CIBAR1: variants seen among roughly 807,000 people sequenced by gnomAD.
CIBAR1 encodes CBY1-interacting BAR domain-containing protein 1.
CIBAR1 carries 25 observed loss-of-function variants against 44.0 expected under a neutral mutation model. That is an observed-to-expected ratio of 0.57 (90% confidence interval 0.41 to 0.79). The LOEUF is 0.79. CIBAR1 is among the 30% of genes least tolerant of loss of function. The pLI is 0.00. For missense variants in CIBAR1, 278 were observed against 344.8 expected, an observed-to-expected ratio of 0.81 and a Z score of 1.53; for synonymous variants, 115 against 119.0, an observed-to-expected ratio of 0.97 and a Z score of 0.22.
chr8:93,704,842 T>G lies in CIBAR1; in HGVS notation c.331-67T>G, dbSNP rs575967396. On this transcript the variant is annotated intron_variant, in intron 3 of 8. Coordinates refer to ENST00000518322, the MANE Select transcript of CIBAR1 (RefSeq NM_145269.5). ...CTTAAAACAATTCTTAAAAGAATTCTTCCATTCTTAAAACTGAATTTTCTT... is the reference window on the plus strand; with the variant it reads ...CTTAAAACAATTCTTAAAAGAATTCGTCCATTCTTAAAACTGAATTTTCTT... 799 of 884,606 alleles carry G rather than the reference T, an allele frequency of 9.0e-4. 14 individuals carry two copies. Among genetic ancestry groups the G allele is most frequent in the South Asian group, 7.1e-3 (397 of 55,624 alleles). 54.8% of individuals were successfully genotyped at this position (884,606 alleles called of 1,614,324 possible).
In CIBAR1 at chr8:93,709,894, G is replaced by C. The variant is rs779906556; in HGVS notation, c.543+19G>C. 3.9e-6 allele frequency: 6 copies of C among 1,552,862 alleles called. No individual in the cohort carries two copies. The highest frequency in any genetic ancestry group is 2.3e-5 in the South Asian group (2 of 85,766). On this transcript the variant is annotated intron_variant, in intron 6 of 8. Transcript: ENST00000518322. ...TATAAAGGTAATAAAGTAACTGTTA[G>C]GGTTCAAAACATGTTTTTAACCTTT...
At position 93,700,568 on chromosome 8, in the gene CIBAR1, TGCGCCCCAGCGC is replaced by T. The variant is rs1810292661; in HGVS notation, c.-73_-62del. The T allele has an allele frequency of 7.2e-7, 1 of 1,390,786 alleles. No homozygotes were observed. Among genetic ancestry groups the T allele is most frequent in the Non-Finnish European group, 9.3e-7 (1 of 1,071,638 alleles). The allele number at this position is 1,390,786 out of a possible 1,614,324, so 86.2% of individuals were successfully genotyped here. On this transcript the variant is annotated 5_prime_UTR_variant, in exon 1 of 9. Transcript: ENST00000518322. The stretch of plus-strand genomic sequence containing the variant: ...GGCTTTCAGGCTCCCGGCGGCTGCT[TGCGCCCCAGCGC>T]GCGCCCAGGCGCCTTGGAATCCCCG...
intron 7 of CIBAR1, 27 bp from the exon 8 acceptor site, chr8:93,726,367 T>G: frequency 6.3e-7 from 1 of 1,594,768 alleles, no homozygotes; most frequent in Non-Finnish European, 8.6e-7. Context: ...GCATCTACTT[T>G]ATAATGCTAT....
In CIBAR1 at chr8:93,731,132, C is replaced by T. The variant is rs572489930; in HGVS notation, c.*2835C>T. On this transcript the variant is annotated 3_prime_UTR_variant, in exon 9 of 9. Coordinates refer to ENST00000518322, the MANE Select transcript of CIBAR1 (RefSeq NM_145269.5). ...CCATTATCAGACCACTGCACTCCAG[C>T]CTGGCCAGCAGAACAAGACTCTGAC... 6 of 152,324 alleles carry T rather than the reference C, an allele frequency of 3.9e-5. No individual in the cohort carries two copies. In the East Asian group the frequency reaches 1.2e-3, roughly 29 times the overall value. 9.4% of individuals were successfully genotyped at this position (152,324 alleles called of 1,614,324 possible).
intron 2 of CIBAR1, 134 bp downstream of exon 2, chr8:93,701,592 T>A: frequency 1.4e-6 from 1 of 727,908 alleles, no homozygotes; most frequent in Non-Finnish European, 2.3e-6. Flanking sequence ...TACATTTTCA[T>A]AAGACTGTGT....
rs759778738 is a variant in CIBAR1, at chr8:93,709,703, A to G, written c.439-68A>G. The G allele has an allele frequency of 6.2e-5, 81 of 1,299,298 alleles. 1 individual carries two copies. Among genetic ancestry groups the G allele is most frequent in the Non-Finnish European group, 4.9e-5 (45 of 910,440 alleles). 80.5% of individuals were successfully genotyped at this position (1,299,298 alleles called of 1,614,324 possible). Reference sequence around the variant, plus strand: ...CAGTACTGCAATGGTAGAATTTACCAGTAGGCTCAATTGAATGAATTCTCA... The same window carrying G: ...CAGTACTGCAATGGTAGAATTTACCGGTAGGCTCAATTGAATGAATTCTCA... On this transcript the variant is annotated intron_variant, in intron 5 of 8. Transcript: ENST00000518322.
chr8:93,700,960 C>G (rs1468042918), intron 1 of CIBAR1: 6 of 1,373,814 alleles, frequency 4.4e-6, no homozygotes, highest in Non-Finnish European at 5.6e-6. Flanking sequence ...GCGCCCAGGC[C>G]GCGCTGCGCG....
In CIBAR1 at chr8:93,730,082, G is replaced by T. The variant is rs557430876; in HGVS notation, c.*1785G>T. 1 of 152,002 alleles carries T rather than the reference G, an allele frequency of 6.6e-6. No homozygotes were observed. The highest frequency in any genetic ancestry group is 1.5e-5 in the Non-Finnish European group (1 of 68,010). The allele number at this position is 152,002 out of a possible 1,614,324, so 9.4% of individuals were successfully genotyped here. On this transcript the variant is annotated 3_prime_UTR_variant, in exon 9 of 9. Transcript: ENST00000518322. ...GGCACTCAAAAAGTTTGTGATTTTC[G>T]GAGCATGTGAAATTTCAGATTACCA... is the stretch of plus-strand genomic sequence containing the variant.
At chr8:93,708,432 C>A (rs1408734258) in intron 5 of CIBAR1, among the ~76,000 whole-genome samples, 1 of 152,056 alleles carries the variant, frequency 6.6e-6, no homozygotes, top group African/African-American at 2.4e-5. Flanking sequence ...TCTTGAAATA[C>A]AACTAGAGTA....
Position 93,729,016 on chromosome 8 carries a change from A to G in CIBAR1, c.*719A>G, listed in dbSNP as rs551865383. On this transcript the variant is annotated 3_prime_UTR_variant, in exon 9 of 9. Coordinates refer to ENST00000518322, the MANE Select transcript of CIBAR1 (RefSeq NM_145269.5). ...CCATAGATCATTAAAAATTCTATAA[A>G]AATTTTACCAAGCTACCATATAGTT... The G allele has an allele frequency of 6.6e-6, 1 of 152,206 alleles. No individual in the cohort carries two copies. The highest frequency in any genetic ancestry group is 1.9e-4 in the East Asian group (1 of 5,176). 9.4% of individuals were successfully genotyped at this position (152,206 alleles called of 1,614,324 possible). A position where few individuals can be genotyped will look rare whatever the true frequency, so the allele number is the denominator to read the frequency against.
intron 6 of CIBAR1, among the ~76,000 whole-genome samples, chr8:93,712,603 T>C (rs1192418365): frequency 2.0e-5 from 3 of 152,192 alleles, no homozygotes; most frequent in Admixed American, 6.5e-5. Flanking sequence ...GCTTAAGCAT[T>C]TGAGGAAGTG....
intron 7 of CIBAR1, among the ~76,000 whole-genome samples, chr8:93,720,506 C>G (rs1811222668): frequency 6.6e-6 from 1 of 152,090 alleles, no homozygotes; most frequent in African/African-American, 2.4e-5. Context: ...CATGACTTCC[C>G]AAGTGTTAAT....
At chr8:93,723,154 G>A (rs1174907019) in intron 7 of CIBAR1, among the ~76,000 whole-genome samples, 4 of 152,052 alleles carry the variant, frequency 2.6e-5, no homozygotes, top group East Asian at 1.9e-4. Context: ...CCGCCACCTC[G>A]CCTGGCTAAT....
chr8:93,728,411 G>A lies in CIBAR1; in HGVS notation c.*114G>A. 1.6e-6 allele frequency: 1 copy of A among 634,736 alleles called. No individual in the cohort carries two copies. The highest frequency in any genetic ancestry group is 4.4e-4 in the Middle Eastern group (1 of 2,264). 39.3% of individuals were successfully genotyped at this position (634,736 alleles called of 1,614,324 possible). On this transcript the variant is annotated 3_prime_UTR_variant, in exon 9 of 9. Transcript: ENST00000518322. ...TCAAAGTGAAGTCCAACTGGAAACA[G>A]AAAAATAATTAAAGGAAACTTATGC...
At chr8:93,726,882 C>T (rs1811534875) in intron 8 of CIBAR1, among the ~76,000 whole-genome samples, 1 of 152,034 alleles carries the variant, frequency 6.6e-6, no homozygotes, top group South Asian at 2.1e-4. Context: ...AGTTAAATAC[C>T]AAATTATACT....
chr8:93,703,875 CA>C (rs1482321592), intron 3 of CIBAR1, among the ~76,000 whole-genome samples, 187 bp downstream of exon 3: 8 of 151,640 alleles, frequency 5.3e-5, no homozygotes, highest in Non-Finnish European at 8.8e-5. Flanking sequence ...CCAGCCTGGC[CA>C]ACATAGTGAA....
intron 6 of CIBAR1, chr8:93,715,779 TA>T: frequency 6.6e-6 from 1 of 152,210 alleles, no homozygotes; most frequent in South Asian, 2.1e-4. Context: ...AGTATGGTTA[TA>T]CTAGTTCATT....
At chr8:93,725,058 C>CT (rs1205327408) in intron 7 of CIBAR1, among the ~76,000 whole-genome samples, 1 of 152,144 alleles carries the variant, frequency 6.6e-6, no homozygotes, top group Non-Finnish European at 1.5e-5. Context: ...TCTTGGCTCA[C>CT]TGCAACCTCT....
rs111240825 is a variant in CIBAR1 at position 93,716,961 on chromosome 8, A to G, written c.544-1714A>G. ...TTTTCGTTAAAGATCTCTTTTGTTAATCAAACAAGATGGATGCTTTACTGT... is the reference window on the plus strand; with the variant it reads ...TTTTCGTTAAAGATCTCTTTTGTTAGTCAAACAAGATGGATGCTTTACTGT... On this transcript the variant is annotated intron_variant, in intron 6 of 8. Coordinates refer to ENST00000518322, the MANE Select transcript of CIBAR1 (RefSeq NM_145269.5). Among the ~76,000 whole-genome samples, 1,179 of 152,252 alleles carry G rather than the reference A, an allele frequency of 7.7e-3. 8 individuals are homozygous for G. Among genetic ancestry groups the G allele is most frequent in the Non-Finnish European group, 0.013 (871 of 68,022 alleles).
Sources: allele counts gnomAD v4.1 joint callset (sites outside exome capture counted in the v4.1 genomes callset), GRCh38; gene constraint gnomAD v4.1.1; transcripts MANE v1.5; gene names NCBI Gene and HGNC (gene_info 2026-07-23, HGNC 2026-07-21).